Variants in DOCK1 observed in about 807,000 individuals in gnomAD.
DOCK1 encodes the protein dedicator of cytokinesis protein 1.
In DOCK1, 138 loss-of-function variants were observed where a neutral mutation model predicts 262.7. The ratio of observed to expected loss-of-function variants is 0.53; its 90% CI spans 0.46 to 0.61. The LOEUF (loss-of-function observed/expected upper bound fraction) is 0.61. DOCK1 is among the 20% of genes least tolerant of loss of function. DOCK1 has a pLI of 0.00. For missense variants in DOCK1, 1,908 were observed against 2,370.7 expected, an observed-to-expected ratio of 0.80 and a Z score of 4.05; for synonymous variants, 866 against 867.4, an observed-to-expected ratio of 1.00 and a Z score of 0.03.
At chr10:126,952,867 A>T (rs1215072079) in intron 1 of DOCK1, among the ~76,000 whole-genome samples, 1 of 91,220 alleles carries the variant, frequency 1.1e-5, no homozygotes, top group Admixed American at 1.2e-4. Flanking sequence ...GTGATGTGGT[A>T]GTATTGTTAT....
chr10:127,156,439 A>G (rs2053053214), intron 27 of DOCK1, among the ~76,000 whole-genome samples: 1 of 152,294 alleles, frequency 6.6e-6, no homozygotes, highest in African/African-American at 2.4e-5. Flanking sequence ...GGCACCTGAA[A>G]TGTACAAGAG....
intron 1 of DOCK1, among the ~76,000 whole-genome samples, chr10:126,924,083 A>G (rs1187562320): frequency 2.6e-5 from 4 of 152,122 alleles, no homozygotes; most frequent in Non-Finnish European, 5.9e-5. Flanking sequence ...AGGCAGAGAA[A>G]TAGGAGAGTT....
intron 18 of DOCK1, among the ~76,000 whole-genome samples, chr10:127,033,952 A>G (rs2043411749): frequency 6.6e-6 from 1 of 152,114 alleles, no homozygotes; most frequent in Non-Finnish European, 1.5e-5. Context: ...GGGCACTTTT[A>G]TATTCCATTT....
At chr10:127,271,912 C>T (rs528127419) in intron 29 of DOCK1, 7 of 128,102 alleles carry the variant, frequency 5.5e-5, no homozygotes, top group East Asian at 2.3e-4. Flanking sequence ...ACCTCTTATT[C>T]TCTTTAAGAT....
intron 42 of DOCK1, 119 bp downstream of exon 42, chr10:127,409,510 C>T (rs2067720614): frequency 2.9e-6 from 3 of 1,042,592 alleles, no homozygotes; most frequent in South Asian, 2.8e-5. Context: ...TTTCCAAATG[C>T]TCTTTCTGTC....
At chr10:127,428,316 A>G (rs923809595) in intron 47 of DOCK1, among the ~76,000 whole-genome samples, 1 of 151,700 alleles carries the variant, frequency 6.6e-6, no homozygotes, top group Non-Finnish European at 1.5e-5. Context: ...TCTCTGCCAC[A>G]TTCATGAGTT....
chr10:127,026,375 TA>T lies in DOCK1; in HGVS notation c.1577del (p.Asn526ThrfsTer27). 6.4e-7 allele frequency: 1 copy of T among 1,573,978 alleles called. No homozygotes were observed. Among genetic ancestry groups the T allele is most frequent in the East Asian group, 2.3e-5 (1 of 43,158 alleles). On this transcript the variant is annotated frameshift_variant, in exon 16 of 52. Coordinates refer to ENST00000623213, the MANE Select transcript of DOCK1 (RefSeq NM_001290223.2). LOFTEE classifies it high-confidence loss of function. Reference sequence around the variant, plus strand: ...AGGTGGCCATTCCCATCGAGGACGTTAACCGCAGTCACCTTCGGTTTACCTT... The same window carrying T: ...AGGTGGCCATTCCCATCGAGGACGTTACCGCAGTCACCTTCGGTTTACCTT... ...VKVAIPIEDVNRSHLRFTFRH... is the reference protein window; with the variant it reads ...VKVAIPIEDVXRSHLRFTFRH...
chr10:127,063,472 A>AT (rs572753588), intron 23 of DOCK1, among the ~76,000 whole-genome samples: 2,189 of 149,900 alleles, frequency 0.015, 34 homozygotes, highest in African/African-American at 0.035. Flanking sequence ...CGATTTCTTG[A>AT]TTTTTTTTTT....
At chr10:127,080,891 C>T (rs2046863282) in intron 23 of DOCK1, among the ~76,000 whole-genome samples, 1 of 152,128 alleles carries the variant, frequency 6.6e-6, no homozygotes, top group Admixed American at 6.5e-5. Flanking sequence ...AGTGTGTAGT[C>T]GTTAGCTCAT....
intron 27 of DOCK1, chr10:127,177,220 ATGG>A (rs1482579465): frequency 6.6e-6 from 1 of 152,208 alleles, no homozygotes; most frequent in East Asian, 1.9e-4. Context: ...AATGAAAACA[ATGG>A]TGGTGGTTTC....
intron 29 of DOCK1, among the ~76,000 whole-genome samples, chr10:127,332,032 C>T (rs959523600): frequency 2.6e-5 from 4 of 152,180 alleles, no homozygotes; most frequent in African/African-American, 9.7e-5. Flanking sequence ...TGGGAACTGC[C>T]TACTTTCAGG....
intron 5 of DOCK1, among the ~76,000 whole-genome samples, chr10:126,989,068 T>G (rs2039612569): frequency 9.8e-6 from 1 of 102,000 alleles, no homozygotes; most frequent in Non-Finnish European, 2.0e-5. Flanking sequence ...GCGAGACCCC[T>G]TCTCAAAAAA....
At chr10:127,075,978 G>A (rs2046510099) in intron 23 of DOCK1, among the ~76,000 whole-genome samples, 1 of 152,188 alleles carries the variant, frequency 6.6e-6, no homozygotes, top group South Asian at 2.1e-4. Flanking sequence ...TGGGTCTTAT[G>A]TGTGTTTTTG....
At chr10:127,103,258 G>A (rs1442845730) in intron 23 of DOCK1, among the ~76,000 whole-genome samples, 1 of 152,176 alleles carries the variant, frequency 6.6e-6, no homozygotes, top group Non-Finnish European at 1.5e-5. Flanking sequence ...TTTTGTAACC[G>A]TCATAGGTTT....
At chr10:126,919,456 C>T (rs1268879782) in intron 1 of DOCK1, among the ~76,000 whole-genome samples, 1 of 152,098 alleles carries the variant, frequency 6.6e-6, no homozygotes, top group Admixed American at 6.5e-5. Flanking sequence ...TCGTCCTGTT[C>T]CTCCAGGCAC....
chr10:127,221,452 T>C (rs1390273520), intron 27 of DOCK1, among the ~76,000 whole-genome samples: 1 of 152,140 alleles, frequency 6.6e-6, no homozygotes, highest in Non-Finnish European at 1.5e-5. Flanking sequence ...GTGTCTTGTG[T>C]GGAGGGCCTC....
intron 6 of DOCK1, among the ~76,000 whole-genome samples, chr10:126,992,768 A>G (rs2039892749): frequency 7.1e-6 from 1 of 141,174 alleles, no homozygotes. Flanking sequence ...ACACACAGAC[A>G]GACACAGACA....
rs755187428 is a variant in DOCK1 at position 127,082,478 on chromosome 10, G to A, written c.2445+20702G>A. Among the ~76,000 whole-genome samples, 85 of 152,218 alleles carry A rather than the reference G, an allele frequency of 5.6e-4. No individual in the cohort carries two copies. In the Middle Eastern group the frequency reaches 0.01, roughly 18 times the overall value. On this transcript the variant is annotated intron_variant, in intron 23 of 51. Transcript: ENST00000623213. ...CTTACATGGCGGCAGGCAAGAGAGC[G>A]TGTGCAGGAGAACTGCCCTTTATAA...
At position 127,127,771 on chromosome 10, in the gene DOCK1, G is replaced by T; in HGVS notation, c.2847+7G>T. ...ACGAGATTCTGAACTCATTGTAAGT[G>T]CTTGGTGACATATGTTTGGATATTT... On this transcript the variant is annotated splice_region_variant and intron_variant, in intron 27 of 51. Transcript: ENST00000623213. 6.2e-7 allele frequency: 1 copy of T among 1,607,168 alleles called. No homozygotes were observed. Among genetic ancestry groups the T allele is most frequent in the African/African-American group, 1.3e-5 (1 of 75,006 alleles).
Sources: gnomAD v4.1 joint callset for allele counts (sites outside exome capture counted in the v4.1 genomes callset) on GRCh38, gnomAD v4.1.1 for gene constraint, MANE v1.5 for transcripts, NCBI Gene and HGNC (gene_info 2026-07-23, HGNC 2026-07-21) for gene names.